The following FN3KRP variants were observed in gnomAD, a reference collection of about 807,000 sequenced individuals.
FN3KRP encodes the protein ketosamine-3-kinase.
A neutral mutation model predicts 29.8 loss-of-function variants in FN3KRP; 33 were observed. The observed-to-expected ratio is 1.11, with a 90% CI of 0.84 to 1.48. The LOEUF (loss-of-function observed/expected upper bound fraction) is 1.48, where lower values mean the gene tolerates loss of function less well. FN3KRP is among the 40% of genes most tolerant of loss of function. The probability of loss-of-function intolerance (pLI) is 0.00; values close to 1 mark genes in which losing one functional copy is unlikely to be tolerated. For synonymous variants in FN3KRP, 157 were observed against 155.2 expected (o/e 1.01, Z -0.09); for missense variants, 430 against 402.6 (o/e 1.07, Z -0.58).
intron 3 of FN3KRP, 49 bp from the exon 4 acceptor site, chr17:82,722,755 G>A (rs921513464): frequency 4.4e-6 from 7 of 1,579,830 alleles, no homozygotes; most frequent in African/African-American, 1.3e-5. Context: ...GAGAGTGGGC[G>A]CTGGGATCCC....
intron 4 of FN3KRP, among the ~76,000 whole-genome samples, chr17:82,723,626 T>C (rs1417522261): frequency 1.3e-5 from 2 of 151,948 alleles, no homozygotes; most frequent in African/African-American, 4.9e-5. Context: ...TGCATATGTG[T>C]ATGTGTGCAC....
chr17:82,719,132 G>A, intron 2 of FN3KRP, 75 bp downstream of exon 2: 2 of 1,333,206 alleles, frequency 1.5e-6, no homozygotes, highest in East Asian at 2.4e-5. Context: ...TTTATTATGT[G>A]TGTCTTCACA....
At position 82,726,513 on chromosome 17, in the gene FN3KRP, T is replaced by C; in HGVS notation, c.502T>C (p.Tyr168His). 1 of 1,614,202 alleles carries C rather than the reference T, an allele frequency of 6.2e-7. No homozygotes were observed. Among genetic ancestry groups the C allele is most frequent in the African/African-American group, 1.3e-5 (1 of 75,072 alleles). The change falls in exon 5 of 6, where the codon TAT (tyrosine) becomes CAT (histidine). Residue 168 changes from tyrosine (Y) to histidine (H), a missense_variant. Coordinates refer to ENST00000269373, the MANE Select transcript of FN3KRP (RefSeq NM_024619.4). ...CTGGCAGGAGGACTGGGTCGTGTTC[T>C]ATGCCCGGCAGCGCATTCAGCCCCA... The part of the protein sequence containing the change: ...NDWQEDWVVF[Y>H]ARQRIQPQMD...
Position 82,727,482 on chromosome 17 carries a change from G to T in FN3KRP, c.*311G>T. 1 of 271,596 alleles carries T rather than the reference G, an allele frequency of 3.7e-6. No individual in the cohort carries two copies. The highest frequency in any genetic ancestry group is 7.0e-6 in the Non-Finnish European group (1 of 142,502). The allele number at this position is 271,596 out of a possible 1,614,324, so 16.8% of individuals were successfully genotyped here. On this transcript the variant is annotated 3_prime_UTR_variant, in exon 6 of 6. Coordinates refer to ENST00000269373, the MANE Select transcript of FN3KRP (RefSeq NM_024619.4). ...TGTAAGTGAACCCCTGTGGGTGCGGGGGAGGGTATCCGGTGCGCAGGGAGG... is the reference window on the plus strand; with the variant it reads ...TGTAAGTGAACCCCTGTGGGTGCGGTGGAGGGTATCCGGTGCGCAGGGAGG...
Position 82,719,041 on chromosome 17 carries a change from A to C in FN3KRP, c.277A>C (p.Met93Leu). 1 of 1,612,562 alleles carries C rather than the reference A, an allele frequency of 6.2e-7. No individual in the cohort carries two copies. The highest frequency in any genetic ancestry group is 8.5e-7 in the Non-Finnish European group (1 of 1,179,818). ...CGTGCTGGTGATGGAGCACATGGAC[A>C]TGAGGCATCTGAGCAGGTGCATCTT... is the stretch of plus-strand genomic sequence containing the variant. Reference protein sequence around the residue: ...GSVLVMEHMDMRHLSSHAAKL... With the variant: ...GSVLVMEHMDLRHLSSHAAKL... Residue 93 changes from methionine to leucine, a missense_variant, in exon 2 of 6, where the codon ATG becomes CTG. Transcript: ENST00000269373.
At chr17:82,723,594 C>T (rs2046815217) in intron 4 of FN3KRP, among the ~76,000 whole-genome samples, 2 of 151,814 alleles carry the variant, frequency 1.3e-5, no homozygotes, top group African/African-American at 4.8e-5. Context: ...CATATGTGTG[C>T]ATGTGTATGT....
At chr17:82,720,049 C>G (rs1238531167) in intron 2 of FN3KRP, among the ~76,000 whole-genome samples, 1 of 152,000 alleles carries the variant, frequency 6.6e-6, no homozygotes, top group Non-Finnish European at 1.5e-5. Flanking sequence ...ACCAGTAATC[C>G]CAGCTACTCG....
intron 2 of FN3KRP, among the ~76,000 whole-genome samples, chr17:82,719,444 G>T (rs553224926): frequency 6.6e-6 from 1 of 152,274 alleles, no homozygotes; most frequent in African/African-American, 2.4e-5. Flanking sequence ...ATCTCCCAAA[G>T]TGAGATGCTG....
At chr17:82,726,183 A>G (rs1413157214) in intron 4 of FN3KRP, among the ~76,000 whole-genome samples, 1 of 151,964 alleles carries the variant, frequency 6.6e-6, no homozygotes, top group African/African-American at 2.4e-5. Context: ...TCTATCTCAG[A>G]AAAAAGAAAA....
Position 82,716,776 on chromosome 17 carries a change from C to T in FN3KRP, c.21C>T (p.Arg7=), listed in dbSNP as rs779890434. Residue 7 remains arginine, a synonymous_variant, in exon 1 of 6, where the codon CGC becomes CGT. Transcript: ENST00000269373. MEELLR[R]ELGCSSVRAT... is the part of the protein sequence containing the mutation. ...GGAACATGGAGGAGCTCCTGAGGCG[C>T]GAGCTGGGCTGCAGCTCTGTCAGGG... 5 of 1,529,868 alleles carry T rather than the reference C, an allele frequency of 3.3e-6. No individual in the cohort carries two copies. The highest frequency in any genetic ancestry group is 4.4e-6 in the Non-Finnish European group (5 of 1,146,570). 94.8% of individuals were successfully genotyped at this position (1,529,868 alleles called of 1,614,324 possible).
intron 3 of FN3KRP, chr17:82,722,462 C>T: frequency 4.1e-6 from 1 of 244,976 alleles, no homozygotes; most frequent in Non-Finnish European, 7.9e-6. Context: ...TTCCCCCACA[C>T]CCCCGCGTGT....
Position 82,718,891 on chromosome 17 carries a change from G to T in FN3KRP, c.142-15G>T. ...CCTCCCTGTATTTCCACTTCCTCTC[G>T]TATTTTTCTGACAGGCCAGAAGAAT... On this transcript the variant is annotated splice_polypyrimidine_tract_variant and intron_variant, in intron 1 of 5. Coordinates refer to ENST00000269373, the MANE Select transcript of FN3KRP (RefSeq NM_024619.4). 3.1e-6 allele frequency: 5 copies of T among 1,610,252 alleles called. No homozygotes were observed. In the Admixed American group the frequency reaches 5.0e-5, roughly 16 times the overall value.
rs1360845228 is a variant in FN3KRP at position 82,716,797 on chromosome 17, C to T, written c.42C>T (p.Val14=). ...LLRRELGCSS[V]RATGHSGGGC... Reference sequence around the variant, plus strand: ...GGCGCGAGCTGGGCTGCAGCTCTGTCAGGGCCACGGGCCACTCGGGGGGCG... The same window carrying T: ...GGCGCGAGCTGGGCTGCAGCTCTGTTAGGGCCACGGGCCACTCGGGGGGCG... The change falls in exon 1 of 6, where the codon GTC becomes GTT. Residue 14 remains valine (V), a synonymous_variant. Transcript: ENST00000269373. 2 of 1,547,036 alleles carry T rather than the reference C, an allele frequency of 1.3e-6. No individual in the cohort carries two copies. The highest frequency in any genetic ancestry group is 1.7e-6 in the Non-Finnish European group (2 of 1,153,634).
rs773293010 is a variant in FN3KRP at position 82,716,755 on chromosome 17, C to T, written c.-1C>T. 13 of 1,503,752 alleles carry T rather than the reference C, an allele frequency of 8.6e-6. No individual in the cohort carries two copies. The Admixed American group carries it at 1.1e-4, about 12-fold the overall frequency. The allele number at this position is 1,503,752 out of a possible 1,614,324, so 93.2% of individuals were successfully genotyped here. A position where few individuals can be genotyped will look rare whatever the true frequency, so the allele number is the denominator to read the frequency against. ...GGCGGGTCCGCGGCCGCGGCGGGAACATGGAGGAGCTCCTGAGGCGCGAGC... is the reference window on the plus strand; with the variant it reads ...GGCGGGTCCGCGGCCGCGGCGGGAATATGGAGGAGCTCCTGAGGCGCGAGC... On this transcript the variant is annotated 5_prime_UTR_variant, in exon 1 of 6. Coordinates refer to ENST00000269373, the MANE Select transcript of FN3KRP (RefSeq NM_024619.4).
At position 82,726,652 on chromosome 17, in the gene FN3KRP, C is replaced by T. The variant is rs774037142; in HGVS notation, c.591+50C>T. On this transcript the variant is annotated intron_variant, in intron 5 of 5. Coordinates refer to ENST00000269373, the MANE Select transcript of FN3KRP (RefSeq NM_024619.4). ...CAGCACCTGCCACACACCCCACTTG[C>T]CTGAGGTAGGGGAGGCACCAAGGCA... 13 of 1,577,284 alleles carry T rather than the reference C, an allele frequency of 8.2e-6. No individual in the cohort carries two copies. In the East Asian group the frequency reaches 1.1e-4, roughly 14 times the overall value.
Position 82,727,417 on chromosome 17 carries a change from G to A in FN3KRP, c.*246G>A. ...TGAGCAGAGGGATGTATGGAGTGTG[G>A]GTGACTCTGAGCCTCACTGCTGCTG... is the stretch of plus-strand genomic sequence containing the variant. On this transcript the variant is annotated 3_prime_UTR_variant, in exon 6 of 6. Transcript: ENST00000269373. 1 of 404,688 alleles carries A rather than the reference G, an allele frequency of 2.5e-6. No homozygotes were observed. The highest frequency in any genetic ancestry group is 4.0e-5 in the East Asian group (1 of 25,306). 25.1% of individuals were successfully genotyped at this position (404,688 alleles called of 1,614,324 possible).
At chr17:82,720,018 T>C (rs1447659546) in intron 2 of FN3KRP, among the ~76,000 whole-genome samples, 1 of 151,590 alleles carries the variant, frequency 6.6e-6, no homozygotes, top group African/African-American at 2.4e-5. Flanking sequence ...ACAAAAAAAT[T>C]AGCCAGGCAT....
intron 3 of FN3KRP, chr17:82,720,700 T>C (rs2046792575): frequency 5.1e-6 from 1 of 197,574 alleles, no homozygotes; most frequent in Non-Finnish European, 1.0e-5. Flanking sequence ...CCAGGGTCTG[T>C]TCCTGTAAAA....
At chr17:82,716,983 T>C (rs2046760331) in intron 1 of FN3KRP, 87 bp downstream of exon 1, 13 of 1,474,602 alleles carry the variant, frequency 8.8e-6, no homozygotes, top group Non-Finnish European at 1.2e-5. Context: ...CCTGGGCTTC[T>C]CCCGCCGGAG....
Sources: gnomAD v4.1 joint callset for allele counts (sites outside exome capture counted in the v4.1 genomes callset) on GRCh38, gnomAD v4.1.1 for gene constraint, MANE v1.5 for transcripts, NCBI Gene and HGNC (gene_info 2026-07-23, HGNC 2026-07-21) for gene names.